Variants in KCNT2 observed in about 807,000 individuals in gnomAD.
The protein encoded by KCNT2 is potassium channel subfamily T member 2.
KCNT2 carries 67 observed loss-of-function variants against 153.8 expected under a neutral mutation model. That is an observed-to-expected ratio of 0.44 (90% confidence interval 0.36 to 0.53). The LOEUF is 0.53. Among genes scored for constraint, KCNT2 ranks in the 20% least tolerant of loss-of-function variants. KCNT2 has a pLI of 0.00. For missense variants in KCNT2, 975 were observed against 1,354.8 expected, an observed-to-expected ratio of 0.72 and a Z score of 4.40; for synonymous variants, 500 against 458.8, an observed-to-expected ratio of 1.09 and a Z score of -1.15.
At chr1:196,567,383 T>C (rs917840777) in intron 1 of KCNT2, among the ~76,000 whole-genome samples, 6 of 152,140 alleles carry the variant, frequency 3.9e-5, no homozygotes, top group Admixed American at 2.0e-4. Flanking sequence ...AAGTCTAACC[T>C]TCTGATCACA....
chr1:196,405,512 G>T (rs1671754818), intron 12 of KCNT2, among the ~76,000 whole-genome samples: 1 of 151,304 alleles, frequency 6.6e-6, no homozygotes, highest in African/African-American at 2.4e-5. Flanking sequence ...TTTACCTATG[G>T]CAGGAATTAT....
At chr1:196,509,048 C>T (rs1394949076) in intron 1 of KCNT2, among the ~76,000 whole-genome samples, 1 of 152,076 alleles carries the variant, frequency 6.6e-6, no homozygotes, top group Non-Finnish European at 1.5e-5. Flanking sequence ...GCGGGCAGAT[C>T]ACCTGAGGTC....
At chr1:196,320,299 A>G (rs142132305) in intron 19 of KCNT2, among the ~76,000 whole-genome samples, 92 of 151,960 alleles carry the variant, frequency 6.1e-4, no homozygotes, top group Non-Finnish European at 1.0e-3. Flanking sequence ...TTCACTCAGC[A>G]TATATGTATC....
chr1:196,375,403 G>A (rs1039773036), intron 13 of KCNT2, among the ~76,000 whole-genome samples: 2 of 151,740 alleles, frequency 1.3e-5, no homozygotes, highest in Admixed American at 6.6e-5. Context: ...TTTGTACACT[G>A]AATTATCTAG....
intron 19 of KCNT2, 113 bp from the exon 20 acceptor site, chr1:196,319,668 C>A (rs1434058072): frequency 1.7e-5 from 9 of 520,650 alleles, no homozygotes; most frequent in African/African-American, 1.6e-4. Flanking sequence ...ACACTGCTGA[C>A]AAAATTAATT....
intron 1 of KCNT2, among the ~76,000 whole-genome samples, chr1:196,563,196 A>G: frequency 6.6e-6 from 1 of 152,018 alleles, no homozygotes; most frequent in Admixed American, 6.6e-5. Context: ...AGAAAGACAG[A>G]GTATTTTTTT....
chr1:196,600,664 A>ATGTC (rs10660110), intron 1 of KCNT2, among the ~76,000 whole-genome samples: 2 of 152,168 alleles, frequency 1.3e-5, no homozygotes, highest in Admixed American at 6.5e-5. Flanking sequence ...ATCACACTGA[A>ATGTC]TGACAGATTA....
intron 12 of KCNT2, among the ~76,000 whole-genome samples, chr1:196,403,916 CT>C (rs1671625001): frequency 6.6e-6 from 1 of 151,548 alleles, no homozygotes; most frequent in African/African-American, 2.4e-5. Flanking sequence ...ATGTGTGCAA[CT>C]TACTTTTCTT....
At chr1:196,450,622 C>G (rs546645111) in intron 8 of KCNT2, among the ~76,000 whole-genome samples, 1 of 151,868 alleles carries the variant, frequency 6.6e-6, no homozygotes, top group South Asian at 2.1e-4. Context: ...TGTGTCACTT[C>G]TGTCTTTAAA....
chr1:196,425,562 G>A (rs1457207404), intron 11 of KCNT2, among the ~76,000 whole-genome samples: 2 of 151,958 alleles, frequency 1.3e-5, no homozygotes, highest in Non-Finnish European at 2.9e-5. Flanking sequence ...GTGAATCTCT[G>A]ACAGCTTAAG....
At chr1:196,498,555 G>A (rs974535415) in intron 1 of KCNT2, among the ~76,000 whole-genome samples, 5 of 152,192 alleles carry the variant, frequency 3.3e-5, no homozygotes, top group Admixed American at 6.5e-5. Flanking sequence ...AGATTCAATG[G>A]ATGCACAGAA....
intron 17 of KCNT2, among the ~76,000 whole-genome samples, chr1:196,332,095 C>A (rs1664521810): frequency 6.6e-6 from 1 of 152,038 alleles, no homozygotes; most frequent in Non-Finnish European, 1.5e-5. Flanking sequence ...ACCTGCTAAG[C>A]CATAAAATTT....
intron 12 of KCNT2, among the ~76,000 whole-genome samples, chr1:196,406,744 T>A (rs1447764499): frequency 6.6e-6 from 1 of 151,444 alleles, no homozygotes; most frequent in African/African-American, 2.4e-5. Context: ...TTACCTTGGG[T>A]TCTAGTTTTA....
At chr1:196,449,774 C>T (rs1675993447) in intron 8 of KCNT2, among the ~76,000 whole-genome samples, 1 of 150,456 alleles carries the variant, frequency 6.6e-6, no homozygotes, top group Non-Finnish European at 1.5e-5. Context: ...AATATCTGCA[C>T]AATTTCAGGA....
At chr1:196,282,910 T>G (rs918967401) in intron 23 of KCNT2, among the ~76,000 whole-genome samples, 3 of 152,200 alleles carry the variant, frequency 2.0e-5, no homozygotes, top group African/African-American at 7.2e-5. Flanking sequence ...AGTGGCATGA[T>G]AGCGGCTCAC....
At chr1:196,377,787 A>G (rs1281770100) in intron 13 of KCNT2, among the ~76,000 whole-genome samples, 1 of 152,120 alleles carries the variant, frequency 6.6e-6, no homozygotes, top group Non-Finnish European at 1.5e-5. Context: ...GCAGGAGATG[A>G]CATTCCCTTT....
At chr1:196,395,151 G>T (rs1230860717) in intron 13 of KCNT2, among the ~76,000 whole-genome samples, 4 of 150,858 alleles carry the variant, frequency 2.7e-5, no homozygotes, top group South Asian at 2.1e-4. Flanking sequence ...TATATTACTC[G>T]GTTTGTTTTC....
chr1:196,353,099 A>G (rs1252492646), intron 14 of KCNT2, among the ~76,000 whole-genome samples: 1 of 151,942 alleles, frequency 6.6e-6, no homozygotes. Flanking sequence ...ACTCACGCGC[A>G]AGAGTATGGG....
chr1:196,356,030 T>C (rs916917015), intron 14 of KCNT2, among the ~76,000 whole-genome samples: 1 of 151,774 alleles, frequency 6.6e-6, no homozygotes, highest in Non-Finnish European at 1.5e-5. Flanking sequence ...AGGCAAGATA[T>C]ATTCCATAAA....
Sources: gnomAD v4.1 joint callset for allele counts (sites outside exome capture counted in the v4.1 genomes callset) on GRCh38, gnomAD v4.1.1 for gene constraint, MANE v1.5 for transcripts, NCBI Gene and HGNC (gene_info 2026-07-23, HGNC 2026-07-21) for gene names.